Variants in PPM1H observed in about 807,000 individuals in gnomAD.
The protein encoded by PPM1H is protein phosphatase, Mg2+/Mn2+ dependent 1H.
PPM1H carries 27 observed loss-of-function variants against 54.9 expected under a neutral mutation model. That is an observed-to-expected ratio of 0.49 (90% CI 0.36 to 0.68). PPM1H has a LOEUF of 0.68. Ranked by LOEUF, PPM1H falls within the 30% of genes least tolerant of loss-of-function variation. The pLI is 0.00. For synonymous variants in PPM1H, 305 were observed against 270.8 expected (o/e 1.13, Z -1.24); for missense variants, 596 against 667.8 (o/e 0.89, Z 1.19).
At chr12:62,673,925 C>T (rs866974000) in intron 8 of PPM1H, among the ~76,000 whole-genome samples, 5 of 151,776 alleles carry the variant, frequency 3.3e-5, no homozygotes, top group African/African-American at 4.8e-5. Context: ...TCATGTTTCT[C>T]AGGCTGATCT....
intron 4 of PPM1H, among the ~76,000 whole-genome samples, chr12:62,784,664 G>A (rs892418389): frequency 2.6e-5 from 4 of 152,160 alleles, no homozygotes; most frequent in African/African-American, 7.2e-5. Flanking sequence ...CTGACTGCTC[G>A]TCAATCAGTG....
chr12:62,835,839 A>C (rs1193407136), intron 1 of PPM1H, among the ~76,000 whole-genome samples: 1 of 152,236 alleles, frequency 6.6e-6, no homozygotes, highest in East Asian at 1.9e-4. Context: ...ATTTGGCTCT[A>C]ACAAGTTTGA....
chr12:62,826,658 T>C (rs947798767), intron 2 of PPM1H, among the ~76,000 whole-genome samples: 3 of 152,196 alleles, frequency 2.0e-5, no homozygotes, highest in Non-Finnish European at 2.9e-5. Context: ...CCAAGGAAGG[T>C]GAAGATATAT....
chr12:62,924,602 CA>C (rs1314582665), intron 1 of PPM1H, among the ~76,000 whole-genome samples: 2 of 152,126 alleles, frequency 1.3e-5, no homozygotes, highest in Non-Finnish European at 2.9e-5. Flanking sequence ...TTCTCATAGC[CA>C]AATGGCCGGC....
At chr12:62,788,503 G>C in intron 3 of PPM1H, 165 bp from the exon 4 acceptor site, 1 of 533,896 alleles carries the variant, frequency 1.9e-6, no homozygotes, top group East Asian at 2.9e-5. Context: ...TTTCTGGAGA[G>C]GACACTGGCA....
At chr12:62,663,450 G>A (rs2075897617) in intron 9 of PPM1H, among the ~76,000 whole-genome samples, 1 of 152,116 alleles carries the variant, frequency 6.6e-6, no homozygotes, top group African/African-American at 2.4e-5. Flanking sequence ...GCCTCCCAAA[G>A]GGTTAGGATT....
intron 4 of PPM1H, among the ~76,000 whole-genome samples, chr12:62,746,968 T>C (rs1178362981): frequency 6.6e-6 from 1 of 152,184 alleles, no homozygotes; most frequent in Non-Finnish European, 1.5e-5. Context: ...TTTTCTTTTT[T>C]TGAGACAGGA....
rs2075788138 is a variant in PPM1H, at chr12:62,646,843, A to C, written c.*1646T>G. 6.6e-6 allele frequency: 1 copy of C among 152,226 alleles called. No homozygotes were observed. Among genetic ancestry groups the C allele is most frequent in the African/African-American group, 2.4e-5 (1 of 41,456 alleles). The allele number at this position is 152,226 out of a possible 1,614,324, so 9.4% of individuals were successfully genotyped here. A position where few individuals can be genotyped will look rare whatever the true frequency, so the allele number is the denominator to read the frequency against. ...CGAATACAATACCGACAACTCCAGA[A>C]ATGCAGGTGATTTACTGCCCTGGAG... On this transcript the variant is annotated 3_prime_UTR_variant, in exon 10 of 10. Coordinates refer to ENST00000228705, the MANE Select transcript of PPM1H (RefSeq NM_020700.2).
rs1348309962 is a variant in PPM1H, at chr12:62,934,765, C to A, written c.-29G>T. The A allele has an allele frequency of 1.3e-6, 2 of 1,481,496 alleles. No homozygotes were observed. The highest frequency in any genetic ancestry group is 1.8e-6 in the Non-Finnish European group (2 of 1,112,328). The allele number at this position is 1,481,496 out of a possible 1,614,324, so 91.8% of individuals were successfully genotyped here. A position where few individuals can be genotyped will look rare whatever the true frequency, so the allele number is the denominator to read the frequency against. On this transcript the variant is annotated 5_prime_UTR_variant, in exon 1 of 10. Coordinates refer to ENST00000228705, the MANE Select transcript of PPM1H (RefSeq NM_020700.2). This position sits in a 1 kb window ranked among gnomAD's most constrained non-coding sequence, Gnocchi z 4.2. The stretch of plus-strand genomic sequence containing the variant: ...ACTCCGGCGCCCGGCTGCAGCGGTG[C>A]GAGCAGGAGGCGGCGGGGGCCGGGC...
chr12:62,749,595 C>G (rs1304739870), intron 4 of PPM1H, among the ~76,000 whole-genome samples: 2 of 151,986 alleles, frequency 1.3e-5, no homozygotes, highest in Non-Finnish European at 2.9e-5. Flanking sequence ...TTAATGGTAT[C>G]AAAAAATAGC....
At chr12:62,798,154 A>G (rs475514) in intron 3 of PPM1H, among the ~76,000 whole-genome samples, 31,515 of 152,194 alleles carry the variant, frequency 0.21, 4,292 homozygotes, top group African/African-American at 0.39. Flanking sequence ...GACAGTCTGT[A>G]GTCTGTACCT....
intron 1 of PPM1H, among the ~76,000 whole-genome samples, chr12:62,886,104 T>A (rs923406245): frequency 7.2e-5 from 11 of 152,244 alleles, no homozygotes; most frequent in African/African-American, 2.2e-4. Flanking sequence ...AAGTATAAAG[T>A]TTCTCACCAG....
intron 6 of PPM1H, among the ~76,000 whole-genome samples, chr12:62,711,721 C>T (rs968549430): frequency 2.0e-5 from 3 of 152,202 alleles, no homozygotes; most frequent in Non-Finnish European, 2.9e-5. Context: ...ATAGTTCAGC[C>T]ACTTTAGGAC....
chr12:62,913,533 A>G (rs910293232), intron 1 of PPM1H, among the ~76,000 whole-genome samples: 1 of 151,984 alleles, frequency 6.6e-6, no homozygotes, highest in Non-Finnish European at 1.5e-5. Context: ...TGGCTGCTTT[A>G]TGGTTCAGCT....
chr12:62,882,580 C>A (rs1870436060), intron 1 of PPM1H, among the ~76,000 whole-genome samples: 1 of 152,214 alleles, frequency 6.6e-6, no homozygotes, highest in African/African-American at 2.4e-5. Flanking sequence ...CCACTTGTAT[C>A]CCTTTCGTTG....
At position 62,819,658 on chromosome 12, in the gene PPM1H, T is replaced by TTTG. The variant is rs575532500; in HGVS notation, c.411+12453_411+12455dup. ...AAATTTGTGTGCCTTTTAAGTTTGT[T>TTTG]TTGTTGTTGTTGTTGTTGTTTTACT... On this transcript the variant is annotated intron_variant, in intron 2 of 9. Coordinates refer to ENST00000228705, the MANE Select transcript of PPM1H (RefSeq NM_020700.2). 4.7e-3 allele frequency among the ~76,000 whole-genome samples: 714 copies of TTTG among 152,218 alleles called. 1 individual carries two copies. The highest frequency in any genetic ancestry group is 0.016 in the African/African-American group (666 of 41,540).
chr12:62,702,481 G>T (rs1340198032), intron 6 of PPM1H, among the ~76,000 whole-genome samples: 1 of 150,390 alleles, frequency 6.6e-6, no homozygotes, highest in African/African-American at 2.5e-5. Flanking sequence ...TCACACTTTG[G>T]CATCATCAAC....
intron 3 of PPM1H, among the ~76,000 whole-genome samples, chr12:62,798,008 G>A (rs1400783034): frequency 6.6e-6 from 1 of 152,136 alleles, no homozygotes; most frequent in African/African-American, 2.4e-5. Context: ...ACCAAAGAAT[G>A]GTGAGCTTCT....
intron 1 of PPM1H, among the ~76,000 whole-genome samples, chr12:62,929,940 G>T (rs886884248): frequency 1.3e-5 from 2 of 152,110 alleles, no homozygotes; most frequent in Non-Finnish European, 2.9e-5. Context: ...AAGTCAAACA[G>T]GAAGTTTCCA....
Sources: gnomAD v4.1 joint callset for allele counts (sites outside exome capture counted in the v4.1 genomes callset) on GRCh38, gnomAD v4.1.1 for gene constraint, Gnocchi (gnomAD v3.1) non-coding constraint, MANE v1.5 for transcripts, NCBI Gene and HGNC (gene_info 2026-07-23, HGNC 2026-07-21) for gene names.